ZNF626: variants seen among roughly 807,000 people sequenced by gnomAD.
ZNF626 encodes CTC-513N18.7.
A neutral mutation model predicts 11.7 loss-of-function variants in ZNF626; 4 were observed. The observed-to-expected ratio is 0.34, with a 90% CI of 0.17 to 0.78. The LOEUF is 0.78. Among genes scored for constraint, ZNF626 ranks in the 30% least tolerant of loss-of-function variants. ZNF626 has a pLI of 0.57. For synonymous variants in ZNF626, 179 were observed against 198.6 expected (o/e 0.90, Z 0.83); for missense variants, 588 against 587.1 (o/e 1.00, Z -0.01).
chr19:20,632,888 G>A (rs1368000154), intron 3 of ZNF626, among the ~76,000 whole-genome samples: 2 of 152,106 alleles, frequency 1.3e-5, no homozygotes, highest in African/African-American at 4.8e-5. Context: ...CAGTTTTTCT[G>A]CTCTGTTTTT....
intron 3 of ZNF626, among the ~76,000 whole-genome samples, chr19:20,627,405 A>T (rs1969849995): frequency 6.6e-6 from 1 of 152,106 alleles, no homozygotes; most frequent in Non-Finnish European, 1.5e-5. Context: ...GGTTTTATGT[A>T]ATCTCCCAAA....
intron 3 of ZNF626, among the ~76,000 whole-genome samples, chr19:20,639,778 C>T (rs191514011): frequency 2.0e-5 from 3 of 152,280 alleles, no homozygotes; most frequent in African/African-American, 4.8e-5. Flanking sequence ...AAATTACACA[C>T]TGTGTGTTTT....
At chr19:20,656,343 A>G (rs1555773126) in intron 1 of ZNF626, among the ~76,000 whole-genome samples, 2 of 151,912 alleles carry the variant, frequency 1.3e-5, no homozygotes. Flanking sequence ...ACTCTGCAAG[A>G]TAACATAGAG....
chr19:20,627,420 C>T (rs1010207150), intron 3 of ZNF626, among the ~76,000 whole-genome samples: 2 of 151,418 alleles, frequency 1.3e-5, no homozygotes, highest in Admixed American at 6.6e-5. Flanking sequence ...CCCAAAGTAC[C>T]ACTAAGAAAA....
chr19:20,644,091 T>C (rs1363287743), intron 3 of ZNF626, among the ~76,000 whole-genome samples: 1 of 152,170 alleles, frequency 6.6e-6, no homozygotes, highest in Non-Finnish European at 1.5e-5. Context: ...GAGGAAGGCA[T>C]CTATTTACAG....
Position 20,624,899 on chromosome 19 carries a change from A to T in ZNF626, c.978T>A (p.Tyr326Ter). 1 of 1,611,618 alleles carries T rather than the reference A, an allele frequency of 6.2e-7. No homozygotes were observed. Among genetic ancestry groups the T allele is most frequent in the Non-Finnish European group, 8.5e-7 (1 of 1,179,430 alleles). Reference sequence around the variant, plus strand: ...GAATTCTTTTATGTGTAGTAAGGGTATAGGAGTACTTAAAGGCTTTGTCAC... The same window carrying T: ...GAATTCTTTTATGTGTAGTAAGGGTTTAGGAGTACTTAAAGGCTTTGTCAC... ...EECDKAFKYS[Y>*]TLTTHKRIHT... Residue 326 changes from tyrosine (Y) to a stop codon, truncating the protein, a stop_gained, in exon 4 of 4, where the codon TAT (tyrosine) becomes TAA (stop). Transcript: ENST00000601440. LOFTEE classifies it low-confidence loss of function (END_TRUNC).
chr19:20,636,050 T>C (rs1379912826), intron 3 of ZNF626, among the ~76,000 whole-genome samples: 1 of 152,192 alleles, frequency 6.6e-6, no homozygotes, highest in African/African-American at 2.4e-5. Flanking sequence ...GAGAATGGCA[T>C]GAACCTAGAA....
intron 3 of ZNF626, among the ~76,000 whole-genome samples, chr19:20,639,672 G>A (rs1970002783): frequency 6.6e-6 from 1 of 152,190 alleles, no homozygotes; most frequent in Admixed American, 6.6e-5. Flanking sequence ...AGGAGGCTGA[G>A]GCTACAGAGA....
chr19:20,661,417 C>A, intron 1 of ZNF626, 27 bp downstream of exon 1: 1 of 1,613,822 alleles, frequency 6.2e-7, no homozygotes, highest in Non-Finnish European at 8.5e-7. Context: ...CCTCTCCTCT[C>A]TCGGGATGTC....
At chr19:20,627,537 T>C (rs757451586) in intron 3 of ZNF626, among the ~76,000 whole-genome samples, 2 of 151,776 alleles carry the variant, frequency 1.3e-5, no homozygotes, top group Non-Finnish European at 2.9e-5. Flanking sequence ...GACAAAGATA[T>C]AAGAATCAAA....
chr19:20,622,959 A>T lies in ZNF626; in HGVS notation c.*1331T>A, dbSNP rs1362164947. 6.6e-6 allele frequency: 1 copy of T among 151,890 alleles called. No individual in the cohort carries two copies. The highest frequency in any genetic ancestry group is 6.6e-5 in the Admixed American group (1 of 15,240). The allele number at this position is 151,890 out of a possible 1,614,324, so 9.4% of individuals were successfully genotyped here. A position where few individuals can be genotyped will look rare whatever the true frequency, so the allele number is the denominator to read the frequency against. ...CATTTGCAGGACCCTTCTCCAATAT[A>T]AGTTCTCTGATGTTGAGCAAAGCTT... On this transcript the variant is annotated 3_prime_UTR_variant, in exon 4 of 4. Transcript: ENST00000601440.
intron 3 of ZNF626, among the ~76,000 whole-genome samples, chr19:20,641,351 T>C (rs558748500): frequency 6.6e-6 from 1 of 152,258 alleles, no homozygotes; most frequent in East Asian, 1.9e-4. Context: ...TTGAGAATAT[T>C]ATGTCACTTG....
At chr19:20,655,529 G>GA (rs1555773012) in intron 1 of ZNF626, among the ~76,000 whole-genome samples, 7 of 152,096 alleles carry the variant, frequency 4.6e-5, no homozygotes, top group Non-Finnish European at 1.5e-5. Flanking sequence ...TCTGGAGTCA[G>GA]AAAAAATGAC....
chr19:20,639,384 C>T (rs1023975182), intron 3 of ZNF626, among the ~76,000 whole-genome samples: 1 of 152,150 alleles, frequency 6.6e-6, no homozygotes. Context: ...CAAGATAATA[C>T]AAAATATTCT....
intron 1 of ZNF626, among the ~76,000 whole-genome samples, chr19:20,648,706 G>C (rs1392574501): frequency 6.6e-6 from 1 of 152,118 alleles, no homozygotes; most frequent in African/African-American, 2.4e-5. Flanking sequence ...TCTGCATAGA[G>C]CTAATGGAAC....
intron 1 of ZNF626, 146 bp downstream of exon 1, chr19:20,661,298 C>T: frequency 8.9e-7 from 1 of 1,119,008 alleles, no homozygotes; most frequent in South Asian, 1.3e-5. Context: ...TATGGCTGAA[C>T]AGGACTGAGG....
intron 1 of ZNF626, among the ~76,000 whole-genome samples, chr19:20,648,929 G>GA (rs1970115500): frequency 6.6e-6 from 1 of 152,154 alleles, no homozygotes; most frequent in Non-Finnish European, 1.5e-5. Context: ...TGAAATATAG[G>GA]AAAGAAATAT....
At chr19:20,649,174 A>T (rs1970119031) in intron 1 of ZNF626, among the ~76,000 whole-genome samples, 1 of 152,054 alleles carries the variant, frequency 6.6e-6, no homozygotes, top group African/African-American at 2.4e-5. Context: ...TAGACAAGTT[A>T]CACCTGTTAT....
chr19:20,637,744 AAAGT>A (rs1463524005), intron 3 of ZNF626, among the ~76,000 whole-genome samples: 1 of 152,152 alleles, frequency 6.6e-6, no homozygotes, highest in Non-Finnish European at 1.5e-5. Flanking sequence ...AAAAATTAAG[AAAGT>A]AAAACAGGAA....
Sources: gnomAD v4.1 joint callset for allele counts (sites outside exome capture counted in the v4.1 genomes callset) on GRCh38, gnomAD v4.1.1 for gene constraint, MANE v1.5 for transcripts, NCBI Gene and HGNC (gene_info 2026-07-23, HGNC 2026-07-21) for gene names.